Variants in STAG1 observed in about 807,000 individuals in gnomAD.
STAG1 encodes STAG1 cohesin complex component.
A neutral mutation model predicts 170.9 loss-of-function variants in STAG1; 26 were observed. The observed-to-expected ratio is 0.15, with a 90% CI of 0.11 to 0.21. STAG1 has a LOEUF of 0.21. STAG1 is among the 10% of genes least tolerant of loss of function. The pLI, the probability that STAG1 is intolerant of heterozygous loss-of-function variation, is 1.00. For synonymous variants in STAG1, 514 were observed against 497.7 expected, an observed-to-expected ratio of 1.03 and a Z score of -0.44; for missense variants, 964 against 1,509.5, an observed-to-expected ratio of 0.64 and a Z score of 5.99.
chr3:136,465,759 T>C (rs2107800681), intron 12 of STAG1, among the ~76,000 whole-genome samples: 1 of 151,882 alleles, frequency 6.6e-6, no homozygotes, highest in East Asian at 1.9e-4. Flanking sequence ...TCCTCAGCAA[T>C]AACCAAGCAG....
At chr3:136,463,131 C>T (rs906822921) in intron 13 of STAG1, among the ~76,000 whole-genome samples, 5 of 152,172 alleles carry the variant, frequency 3.3e-5, no homozygotes, top group Admixed American at 6.6e-5. Flanking sequence ...ATTCTACTAG[C>T]CAGAGCTGTC....
intron 1 of STAG1, among the ~76,000 whole-genome samples, chr3:136,723,269 T>C (rs548010811): frequency 1.7e-3 from 222 of 132,306 alleles, no homozygotes; most frequent in Non-Finnish European, 3.0e-3. Flanking sequence ...CCGGCCGCCA[T>C]CCCATCTAGG....
intron 24 of STAG1, among the ~76,000 whole-genome samples, chr3:136,368,612 T>C (rs1937170643): frequency 6.6e-6 from 1 of 152,164 alleles, no homozygotes; most frequent in African/African-American, 2.4e-5. Flanking sequence ...ACACCATAGT[T>C]TGTAATAGTT....
intron 5 of STAG1, among the ~76,000 whole-genome samples, chr3:136,562,364 G>A (rs1003648335): frequency 4.0e-5 from 6 of 151,518 alleles, no homozygotes; most frequent in African/African-American, 7.3e-5. Context: ...GGGCTCACGC[G>A]ATTCTCCTGC....
chr3:136,448,943 C>T (rs930971437), intron 14 of STAG1, among the ~76,000 whole-genome samples: 3 of 151,968 alleles, frequency 2.0e-5, no homozygotes, highest in Non-Finnish European at 4.4e-5. Context: ...AAGACTCTTT[C>T]TACTCTATTA....
chr3:136,609,917 C>T (rs913149629), intron 3 of STAG1, among the ~76,000 whole-genome samples: 1 of 151,600 alleles, frequency 6.6e-6, no homozygotes, highest in African/African-American at 2.4e-5. Context: ...TCCTAAAAGA[C>T]AAAGCATATA....
intron 24 of STAG1, among the ~76,000 whole-genome samples, chr3:136,367,625 C>A (rs1398762458): frequency 6.6e-6 from 1 of 152,034 alleles, no homozygotes; most frequent in African/African-American, 2.4e-5. Flanking sequence ...ACTGAGAGAA[C>A]ACTTCTGAAA....
chr3:136,360,317 T>C lies in STAG1; in HGVS notation c.2788-1021A>G, dbSNP rs1936812660. Among the ~76,000 whole-genome samples, 3 of 152,320 alleles carry C rather than the reference T, an allele frequency of 2.0e-5. No homozygotes were observed. In the South Asian group the frequency reaches 6.2e-4, roughly 32 times the overall value. The stretch of plus-strand genomic sequence containing the variant: ...TGCTCAATAGTTTTGCTCTTGTGTT[T>C]ACTGCTCTCTCCTGCCTCCTAAACT... On this transcript the variant is annotated intron_variant, in intron 26 of 33. Coordinates refer to ENST00000383202, the MANE Select transcript of STAG1 (RefSeq NM_005862.3).
Position 136,577,637 on chromosome 3 carries a change from G to C in STAG1, c.298-8776C>G, listed in dbSNP as rs1190662692. The stretch of plus-strand genomic sequence containing the variant: ...GAAGGGGGATGCTCATTCTCCTGAA[G>C]ACTTACCAAAACCAGCCCCTGATGC... On this transcript the variant is annotated intron_variant, in intron 4 of 33. Coordinates refer to ENST00000383202, the MANE Select transcript of STAG1 (RefSeq NM_005862.3). Among the ~76,000 whole-genome samples, 3 of 152,214 alleles carry C rather than the reference G, an allele frequency of 2.0e-5. No homozygotes were observed. In the East Asian group the frequency reaches 5.8e-4, roughly 29 times the overall value.
intron 7 of STAG1, among the ~76,000 whole-genome samples, chr3:136,508,885 C>T (rs567186431): frequency 6.6e-6 from 1 of 151,996 alleles, no homozygotes; most frequent in Non-Finnish European, 1.5e-5. Context: ...TGCGCGCGTG[C>T]GCGAGAGAGA....
chr3:136,455,954 G>C (rs1559812124), intron 13 of STAG1, among the ~76,000 whole-genome samples: 1 of 152,120 alleles, frequency 6.6e-6, no homozygotes. Flanking sequence ...CTGGAATACT[G>C]TTTAAATTCC....
rs769861015 is a variant in STAG1 at position 136,684,017 on chromosome 3, G to A, written c.-83-53036C>T. 5.6e-4 allele frequency among the ~76,000 whole-genome samples: 86 copies of A among 152,294 alleles called. 1 individual carries two copies. Among genetic ancestry groups the A allele is most frequent in the Middle Eastern group, 3.4e-3 (1 of 294 alleles). On this transcript the variant is annotated intron_variant, in intron 1 of 33. Transcript: ENST00000383202. ...ATGAGGAAATGTATAAAACTCTGAT[G>A]AAAGAAATTAAAGAACTAAGTAAAA...
chr3:136,385,516 T>C (rs1266560407), intron 22 of STAG1, among the ~76,000 whole-genome samples: 2 of 152,184 alleles, frequency 1.3e-5, no homozygotes, highest in Non-Finnish European at 2.9e-5. Context: ...CACACTGAGA[T>C]GTAAATCATA....
At chr3:136,724,849 T>C (rs1031374744) in intron 1 of STAG1, among the ~76,000 whole-genome samples, 2 of 152,092 alleles carry the variant, frequency 1.3e-5, no homozygotes, top group Non-Finnish European at 2.9e-5. Flanking sequence ...GGATGATACA[T>C]TGGGACAGAA....
At chr3:136,547,311 T>C (rs1194963224) in intron 5 of STAG1, among the ~76,000 whole-genome samples, 1 of 152,198 alleles carries the variant, frequency 6.6e-6, no homozygotes, top group Non-Finnish European at 1.5e-5. Flanking sequence ...CCATACTTTA[T>C]GCAGACTTCC....
At chr3:136,439,194 C>CAAAAAAAAAAAAAAAAAACCCAAAAA (rs2088552809) in intron 15 of STAG1, among the ~76,000 whole-genome samples, 1 of 63,644 alleles carries the variant, frequency 1.6e-5, no homozygotes. Flanking sequence ...GACCCAGACT[C>CAAAAAAAAAAAAAAAAAACCCAAAAA]AAAAAAAAAA....
At chr3:136,417,623 A>G (rs1180246294) in intron 21 of STAG1, 9 of 325,884 alleles carry the variant, frequency 2.8e-5, no homozygotes, top group African/African-American at 4.3e-5. Context: ...TATTAATGGT[A>G]TTTCTCCTAA....
intron 21 of STAG1, among the ~76,000 whole-genome samples, chr3:136,408,185 T>C (rs2087535423): frequency 6.6e-6 from 1 of 152,210 alleles, no homozygotes; most frequent in African/African-American, 2.4e-5. Context: ...TCTATGCCTC[T>C]GTACACACAT....
intron 5 of STAG1, among the ~76,000 whole-genome samples, chr3:136,557,497 G>A (rs1936669182): frequency 6.6e-6 from 1 of 152,112 alleles, no homozygotes; most frequent in Non-Finnish European, 1.5e-5. Flanking sequence ...GAAAACAGGA[G>A]AGTATCTTCA....
Sources: gnomAD v4.1 joint callset for allele counts (sites outside exome capture counted in the v4.1 genomes callset) on GRCh38, gnomAD v4.1.1 for gene constraint, MANE v1.5 for transcripts, NCBI Gene and HGNC (gene_info 2026-07-23, HGNC 2026-07-21) for gene names.